The following PUM1 variants were observed in gnomAD, a reference collection of about 807,000 sequenced individuals.
PUM1 encodes pumilio RNA binding family member 1.
Under a neutral mutation model 131.8 loss-of-function variants are expected in PUM1, and 13 were observed. The observed-to-expected ratio is 0.10, with a 90% CI of 0.06 to 0.16. PUM1 has a LOEUF of 0.16. PUM1 is among the 10% of genes least tolerant of loss of function. The pLI, the probability that PUM1 is intolerant of heterozygous loss-of-function variation, is 1.00. For synonymous variants in PUM1, 509 were observed against 556.5 expected, an observed-to-expected ratio of 0.91 and a Z score of 1.20; for missense variants, 961 against 1,512.4, an observed-to-expected ratio of 0.64 and a Z score of 6.05.
In PUM1 at chr1:30,967,213, A is replaced by G; in HGVS notation, c.1743T>C (p.Leu581=). The stretch of plus-strand genomic sequence containing the variant: ...TAATGATGACTGGGGCAGGAGCTAC[A>G]AGTCGAACAGGAGCTCCAAGACCAT... ...ARNGLGAPVR[L]VAPAPVIISS... is the part of the protein sequence containing the mutation. The change falls in exon 12 of 22, where the codon CTT becomes CTC. Residue 581 remains leucine (L), a synonymous_variant. Coordinates refer to ENST00000426105, the MANE Select transcript of PUM1 (RefSeq NM_001020658.2). The G allele has an allele frequency of 6.2e-7, 1 of 1,614,142 alleles. No individual in the cohort carries two copies. The highest frequency in any genetic ancestry group is 8.5e-7 in the Non-Finnish European group (1 of 1,180,008).
intron 3 of PUM1, among the ~76,000 whole-genome samples, chr1:31,023,620 T>C (rs567983033): frequency 1.3e-5 from 2 of 152,152 alleles, no homozygotes; most frequent in South Asian, 4.1e-4. Context: ...CTGCAGACAG[T>C]GAATAAGTCA....
intron 2 of PUM1, among the ~76,000 whole-genome samples, chr1:31,044,796 T>C (rs2124577016): frequency 6.6e-6 from 1 of 151,910 alleles, no homozygotes; most frequent in South Asian, 2.1e-4. Context: ...ATTTTTATTG[T>C]TTTGTTTTGT....
At chr1:30,933,482 A>C (rs907880139) in intron 21 of PUM1, 140 bp from the exon 22 acceptor site, 39 of 780,744 alleles carry the variant, frequency 5.0e-5, no homozygotes, top group South Asian at 1.9e-4. Flanking sequence ...ACACACACAC[A>C]CACCCCTACA....
intron 2 of PUM1, among the ~76,000 whole-genome samples, chr1:31,056,781 C>A (rs549857435): frequency 5.5e-4 from 83 of 151,828 alleles, no homozygotes; most frequent in Non-Finnish European, 8.5e-4. Flanking sequence ...CATGTGCCCC[C>A]ACGCCCAGCT....
At chr1:30,967,903 CAGAGGT>C (rs1344097977) in intron 11 of PUM1, among the ~76,000 whole-genome samples, 2 of 152,142 alleles carry the variant, frequency 1.3e-5, no homozygotes, top group East Asian at 3.8e-4. Flanking sequence ...ACATGTATCT[CAGAGGT>C]AGACAGCTAA....
At chr1:30,981,680 T>TCACACACACA (rs5773330) in intron 7 of PUM1, among the ~76,000 whole-genome samples, 3 of 150,860 alleles carry the variant, frequency 2.0e-5, no homozygotes, top group South Asian at 2.1e-4. Context: ...ACACACTCTC[T>TCACACACACA]CACACACACA....
chr1:30,947,997 A>C (rs897579935), intron 17 of PUM1, among the ~76,000 whole-genome samples: 2 of 151,570 alleles, frequency 1.3e-5, no homozygotes, highest in African/African-American at 4.9e-5. Flanking sequence ...CTGAGACTAT[A>C]GGAGTGCACC....
chr1:31,000,107 C>G (rs1415744742), intron 5 of PUM1, among the ~76,000 whole-genome samples: 1 of 152,190 alleles, frequency 6.6e-6, no homozygotes, highest in Non-Finnish European at 1.5e-5. Context: ...AAAAGCTTCT[C>G]CTCAAATAGC....
intron 3 of PUM1, among the ~76,000 whole-genome samples, chr1:31,007,857 C>G (rs932370490): frequency 3.9e-5 from 6 of 152,310 alleles, no homozygotes; most frequent in South Asian, 2.1e-4. Context: ...AAGTACCCTT[C>G]AAGCAAGACA....
chr1:31,005,540 A>G (rs1557581631), intron 5 of PUM1, among the ~76,000 whole-genome samples: 1 of 151,952 alleles, frequency 6.6e-6, no homozygotes, highest in Non-Finnish European at 1.5e-5. Flanking sequence ...TTTTGCTTTT[A>G]TTTTAAAGTA....
In PUM1 at chr1:30,993,136, G is replaced by GA. The variant is rs535493222; in HGVS notation, c.888-477dup. On this transcript the variant is annotated intron_variant, in intron 6 of 21. Coordinates refer to ENST00000426105, the MANE Select transcript of PUM1 (RefSeq NM_001020658.2). ...ATATTTGTGAGGAAAGAAACAGAAT[G>GA]AAAAAAGTTTTTACATGTCGTTGGT... Among the ~76,000 whole-genome samples, 21 of 152,104 alleles carry GA rather than the reference G, an allele frequency of 1.4e-4. No homozygotes were observed. The South Asian group carries it at 3.9e-3, about 29-fold the overall frequency.
At chr1:30,939,689 C>T (rs936236387) in intron 20 of PUM1, among the ~76,000 whole-genome samples, 35 of 152,088 alleles carry the variant, frequency 2.3e-4, no homozygotes, top group Admixed American at 1.8e-3. Context: ...CCCACAGTAG[C>T]TACTCAGTTA....
intron 2 of PUM1, among the ~76,000 whole-genome samples, chr1:31,029,505 A>G (rs1349149035): frequency 6.6e-6 from 1 of 152,230 alleles, no homozygotes; most frequent in Admixed American, 6.5e-5. Context: ...TTAGGCTTCA[A>G]TTTACCTATC....
intron 3 of PUM1, among the ~76,000 whole-genome samples, chr1:31,021,103 A>G (rs1643004378): frequency 6.6e-6 from 1 of 152,242 alleles, no homozygotes; most frequent in African/African-American, 2.4e-5. Context: ...CGTAACAACT[A>G]TATTAAACAA....
At chr1:30,993,949 A>T (rs1158839662) in intron 6 of PUM1, among the ~76,000 whole-genome samples, 1 of 152,170 alleles carries the variant, frequency 6.6e-6, no homozygotes, top group Non-Finnish European at 1.5e-5. Context: ...GCGCGGCTGT[A>T]GTCCCAGCTA....
intron 17 of PUM1, among the ~76,000 whole-genome samples, chr1:30,948,006 C>T (rs953572772): frequency 1.3e-5 from 2 of 151,750 alleles, no homozygotes; most frequent in South Asian, 4.2e-4. Context: ...TAGGAGTGCA[C>T]CACCATGCCC....
At chr1:30,952,918 A>G (rs965409563) in intron 15 of PUM1, among the ~76,000 whole-genome samples, 2 of 151,938 alleles carry the variant, frequency 1.3e-5, no homozygotes, top group Non-Finnish European at 2.9e-5. Context: ...AGAGCTTGCA[A>G]TGAGCCAAGA....
intron 7 of PUM1, among the ~76,000 whole-genome samples, chr1:30,989,297 C>T (rs889889367): frequency 6.6e-6 from 1 of 152,182 alleles, no homozygotes; most frequent in Non-Finnish European, 1.5e-5. Flanking sequence ...TCTGGCTGGG[C>T]GCAGTGGCTC....
rs201265115 is a variant in PUM1 at position 30,964,664 on chromosome 1, T to C, written c.2323+10A>G. ...AGAGTTCAAGGTGGTGTTAGAGTAA[T>C]GGTTCTTACCCAGGTTTAAGCTTGA... is the stretch of plus-strand genomic sequence containing the variant. On this transcript the variant is annotated intron_variant, in intron 14 of 21. Transcript: ENST00000426105. The C allele has an allele frequency of 8.7e-4, 1,387 of 1,594,892 alleles. 1 individual carries two copies. The highest frequency in any genetic ancestry group is 1.1e-3 in the Non-Finnish European group (1,255 of 1,162,718).
Sources: gnomAD v4.1 joint callset for allele counts (sites outside exome capture counted in the v4.1 genomes callset) on GRCh38, gnomAD v4.1.1 for gene constraint, MANE v1.5 for transcripts, NCBI Gene and HGNC (gene_info 2026-07-23, HGNC 2026-07-21) for gene names.